The following TSPAN14 variants were observed in gnomAD, a reference collection of about 807,000 sequenced individuals.
TSPAN14 encodes tetraspanin 14.
Under a neutral mutation model 36.6 loss-of-function variants are expected in TSPAN14, and 16 were observed. The ratio of observed to expected loss-of-function variants is 0.44; its 90% CI spans 0.30 to 0.66. TSPAN14 has a LOEUF of 0.66. TSPAN14 is among the 30% of genes least tolerant of loss of function. The pLI is 0.12. For missense variants in TSPAN14, 231 were observed against 355.1 expected, an observed-to-expected ratio of 0.65 and a Z score of 2.81; for synonymous variants, 139 against 143.8, an observed-to-expected ratio of 0.97 and a Z score of 0.24.
intron 8 of TSPAN14, among the ~76,000 whole-genome samples, chr10:80,517,170 G>A (rs995983700): frequency 1.3e-5 from 2 of 152,100 alleles, no homozygotes; most frequent in African/African-American, 4.8e-5. Context: ...GTAGACCCAG[G>A]GCCACCAGCC....
intron 1 of TSPAN14, among the ~76,000 whole-genome samples, chr10:80,478,495 C>T (rs1589254326): frequency 6.6e-6 from 1 of 152,070 alleles, no homozygotes; most frequent in African/African-American, 2.4e-5. Flanking sequence ...TATGGAGGGG[C>T]CTGTGGAATA....
intron 1 of TSPAN14, among the ~76,000 whole-genome samples, chr10:80,484,754 T>C (rs1382814989): frequency 1.3e-5 from 2 of 152,228 alleles, no homozygotes; most frequent in African/African-American, 4.8e-5. Flanking sequence ...TTTAGATTTG[T>C]TATCTGTTCA....
chr10:80,504,043 G>T (rs1840141673), intron 2 of TSPAN14, among the ~76,000 whole-genome samples: 2 of 152,196 alleles, frequency 1.3e-5, no homozygotes, highest in Admixed American at 6.5e-5. Flanking sequence ...GGGGTTGGGG[G>T]TGGTGCTCCT....
intron 2 of TSPAN14, among the ~76,000 whole-genome samples, chr10:80,494,662 G>A (rs751183756): frequency 5.9e-5 from 9 of 152,190 alleles, no homozygotes; most frequent in Non-Finnish European, 8.8e-5. Flanking sequence ...TATTTGAGCT[G>A]AACTCTGCTC....
intron 1 of TSPAN14, among the ~76,000 whole-genome samples, chr10:80,461,479 A>G (rs750675280): frequency 3.3e-5 from 5 of 152,104 alleles, no homozygotes; most frequent in African/African-American, 7.2e-5. Context: ...AAACGTGGAT[A>G]GGTTTTTGAG....
chr10:80,509,192 A>G lies in TSPAN14; in HGVS notation c.280-109A>G. 3 of 1,241,404 alleles carry G rather than the reference A, an allele frequency of 2.4e-6. No homozygotes were observed. Among genetic ancestry groups the G allele is most frequent in the Non-Finnish European group, 2.2e-6 (2 of 890,498 alleles). The allele number at this position is 1,241,404 out of a possible 1,614,324, so 76.9% of individuals were successfully genotyped here. On this transcript the variant is annotated intron_variant, in intron 4 of 8. Coordinates refer to ENST00000429989, the Ensembl canonical transcript of TSPAN14. The surrounding 1 kb of genome is among the most constrained non-coding windows in gnomAD (Gnocchi z 4.7). ...GCCCCGATGTGGGACTCTCAGGTGCAGAGCCCACGCTCTGCTGAGGATGGT... is the reference window on the plus strand; with the variant it reads ...GCCCCGATGTGGGACTCTCAGGTGCGGAGCCCACGCTCTGCTGAGGATGGT...
At chr10:80,484,200 G>A (rs11203116) in intron 1 of TSPAN14, among the ~76,000 whole-genome samples, 75,245 of 151,184 alleles carry the variant, frequency 0.5, 19,589 homozygotes, top group East Asian at 0.84. Flanking sequence ...AGCTGAGTGC[G>A]CCACTGCACT....
chr10:80,504,633 G>T, intron 2 of TSPAN14, 95 bp from the exon 3 acceptor site: 2 of 1,450,860 alleles, frequency 1.4e-6, no homozygotes, highest in South Asian at 1.2e-5. Flanking sequence ...CTAGGAGCAT[G>T]CCCTACCTGG....
chr10:80,455,666 A>T (rs1038574851), intron 1 of TSPAN14, among the ~76,000 whole-genome samples: 1 of 151,890 alleles, frequency 6.6e-6, no homozygotes, highest in Non-Finnish European at 1.5e-5. Context: ...CAGCTAGCCG[A>T]GTGGTTGGTG....
rs567103254 is a variant in TSPAN14, at chr10:80,457,656, C to G, written c.-18+3285C>G. The stretch of plus-strand genomic sequence containing the variant: ...TCTCATCTGTCCAGCACAGCCTGGG[C>G]ACATAGCAGGTACCCCGGAACCCCC... On this transcript the variant is annotated intron_variant, in intron 1 of 8. Transcript: ENST00000429989. Among the ~76,000 whole-genome samples the G allele has an allele frequency of 2.6e-5, 4 of 152,338 alleles. No individual in the cohort carries two copies. The East Asian group carries it at 7.7e-4, about 29-fold the overall frequency.
chr10:80,465,007 GTTC>G (rs1243995131), intron 1 of TSPAN14, among the ~76,000 whole-genome samples: 3 of 152,144 alleles, frequency 2.0e-5, no homozygotes, highest in African/African-American at 7.2e-5. Flanking sequence ...CCCATCATGT[GTTC>G]TCAGATTCTA....
chr10:80,458,379 C>CT (rs1283008101), intron 1 of TSPAN14, among the ~76,000 whole-genome samples: 1 of 152,212 alleles, frequency 6.6e-6, no homozygotes, highest in East Asian at 1.9e-4. Flanking sequence ...GTCAGCCACA[C>CT]TGTGGCTCTT....
At chr10:80,502,298 A>G (rs1191757544) in intron 2 of TSPAN14, among the ~76,000 whole-genome samples, 1 of 152,166 alleles carries the variant, frequency 6.6e-6, no homozygotes. Context: ...CTTGGGGGCC[A>G]TGGGAGAGAC....
chr10:80,468,758 G>A (rs1846378131), intron 1 of TSPAN14: 1 of 141,166 alleles, frequency 7.1e-6, no homozygotes, highest in African/African-American at 2.6e-5. Flanking sequence ...GTCTGACTGT[G>A]CGCTCAGTGG....
intron 1 of TSPAN14, among the ~76,000 whole-genome samples, chr10:80,461,148 T>A (rs1319229183): frequency 6.6e-6 from 1 of 152,104 alleles, no homozygotes; most frequent in African/African-American, 2.4e-5. Flanking sequence ...CCTGTCTACT[T>A]GATCAGACTC....
At chr10:80,462,354 T>C (rs1846019528) in intron 1 of TSPAN14, among the ~76,000 whole-genome samples, 1 of 35,598 alleles carries the variant, frequency 2.8e-5, no homozygotes, top group African/African-American at 1.4e-4. Flanking sequence ...AGGAATGGGG[T>C]GGGATGGGAT....
chr10:80,512,257 G>C (rs1487971369), exon 6 of TSPAN14: 1 of 1,613,788 alleles, frequency 6.2e-7, no homozygotes, highest in Non-Finnish European at 8.5e-7. Flanking sequence ...CCTGCTGCGT[G>C]CCAGATCCTG....
At chr10:80,493,781 A>G (rs952902920) in intron 2 of TSPAN14, among the ~76,000 whole-genome samples, 2 of 152,224 alleles carry the variant, frequency 1.3e-5, no homozygotes, top group Admixed American at 6.5e-5. Flanking sequence ...TAGTGGGTAC[A>G]GAAGATCTCA....
At chr10:80,477,226 G>A (rs1479554984) in intron 1 of TSPAN14, among the ~76,000 whole-genome samples, 2 of 152,228 alleles carry the variant, frequency 1.3e-5, no homozygotes, top group Non-Finnish European at 2.9e-5. Context: ...ATCCCCCTAT[G>A]TTAAGATCAG....
Sources: allele counts gnomAD v4.1 joint callset (sites outside exome capture counted in the v4.1 genomes callset), GRCh38; gene constraint gnomAD v4.1.1; non-coding constraint Gnocchi (gnomAD v3.1); transcripts MANE v1.5; gene names NCBI Gene and HGNC (gene_info 2026-07-23, HGNC 2026-07-21).